The following SLC38A2 variants were observed in gnomAD, a reference collection of about 807,000 sequenced individuals.
The protein encoded by SLC38A2 is sodium-coupled neutral amino acid symporter 2.
Under a neutral mutation model 61.5 loss-of-function variants are expected in SLC38A2, and 11 were observed. The ratio of observed to expected loss-of-function variants is 0.18; its 90% CI spans 0.11 to 0.30. SLC38A2 has a LOEUF of 0.30. Ranked by LOEUF, SLC38A2 falls within the 10% of genes least tolerant of loss-of-function variation. SLC38A2 has a pLI of 1.00. For synonymous variants in SLC38A2, 217 were observed against 212.5 expected, an observed-to-expected ratio of 1.02 and a Z score of -0.18; for missense variants, 522 against 600.4, an observed-to-expected ratio of 0.87 and a Z score of 1.36.
intron 7 of SLC38A2, among the ~76,000 whole-genome samples, chr12:46,365,891 C>T (rs1352936327): frequency 6.6e-6 from 1 of 152,108 alleles, no homozygotes; most frequent in East Asian, 1.9e-4. Context: ...ATTGCACTGT[C>T]TTCTAAATCA....
At chr12:46,365,862 CT>C (rs1943134196) in intron 7 of SLC38A2, among the ~76,000 whole-genome samples, 1 of 152,044 alleles carries the variant, frequency 6.6e-6, no homozygotes, top group Non-Finnish European at 1.5e-5. Context: ...AAGCCTTTTT[CT>C]TTTTAGGTAA....
intron 7 of SLC38A2, among the ~76,000 whole-genome samples, chr12:46,366,201 C>T (rs1478531883): frequency 6.6e-6 from 1 of 152,120 alleles, no homozygotes; most frequent in African/African-American, 2.4e-5. Flanking sequence ...ATCCCTTATT[C>T]AAAATGCTTG....
chr12:46,366,839 A>G, intron 7 of SLC38A2, 25 bp downstream of exon 7: 1 of 1,580,526 alleles, frequency 6.3e-7, no homozygotes, highest in Non-Finnish European at 8.6e-7. Context: ...ATTGTTTCTT[A>G]TGAGTAACCT....
In SLC38A2 at chr12:46,366,987, G is replaced by A. The variant is rs377257935; in HGVS notation, c.482-42C>T. The A allele has an allele frequency of 1.7e-5, 27 of 1,606,434 alleles. No homozygotes were observed. In the East Asian group the frequency reaches 3.3e-4, roughly 20 times the overall value. ...TTATACCATTACAAGTGCAAAACGC[G>A]GCACGTGACACTAAAACGCATGTGT... On this transcript the variant is annotated intron_variant, in intron 6 of 15. Coordinates refer to ENST00000256689, the MANE Select transcript of SLC38A2 (RefSeq NM_018976.5).
intron 1 of SLC38A2, among the ~76,000 whole-genome samples, chr12:46,371,982 A>G (rs1943208308): frequency 6.6e-6 from 1 of 151,752 alleles, no homozygotes; most frequent in African/African-American, 2.4e-5. Flanking sequence ...GCCCTCAAGC[A>G]CACCCGTCCA....
chr12:46,358,953 T>C lies in SLC38A2; in HGVS notation c.*2158A>G, dbSNP rs535882276. 4 of 152,656 alleles carry C rather than the reference T, an allele frequency of 2.6e-5. No homozygotes were observed. The highest frequency in any genetic ancestry group is 4.4e-5 in the Non-Finnish European group (3 of 68,000). 9.5% of individuals were successfully genotyped at this position (152,656 alleles called of 1,614,324 possible). A position where few individuals can be genotyped will look rare whatever the true frequency, so the allele number is the denominator to read the frequency against. On this transcript the variant is annotated 3_prime_UTR_variant, in exon 16 of 16. Transcript: ENST00000256689. Reference sequence around the variant, plus strand: ...AAGATAGCTCCCAGAAAATCATCCATTGGAATTTTCCCTAGGCACTTGATT... The same window carrying C: ...AAGATAGCTCCCAGAAAATCATCCACTGGAATTTTCCCTAGGCACTTGATT...
chr12:46,371,374 G>A lies in SLC38A2; in HGVS notation c.-81C>T. On this transcript the variant is annotated 5_prime_UTR_variant, in exon 2 of 16. Transcript: ENST00000256689. The stretch of plus-strand genomic sequence containing the variant: ...TGGCGGTGGGTGCAGCGGCCCGCGA[G>A]TCGGCCTGCGAAAGTAGAGGCGGCG... 3 of 1,149,202 alleles carry A rather than the reference G, an allele frequency of 2.6e-6. No individual in the cohort carries two copies. The highest frequency in any genetic ancestry group is 1.3e-6 in the Non-Finnish European group (1 of 775,436). The allele number at this position is 1,149,202 out of a possible 1,614,324, so 71.2% of individuals were successfully genotyped here. A position where few individuals can be genotyped will look rare whatever the true frequency, so the allele number is the denominator to read the frequency against.
chr12:46,370,559 G>A lies in SLC38A2; in HGVS notation c.267C>T (p.Ile89=). ...NLSNAIVGSG[I]LGLSYAMANT... ...TAGCCATGGCATAAGAAAGCCCAAGGATTCCACTGCCCACAATCGCATTGC... is the reference window on the plus strand; with the variant it reads ...TAGCCATGGCATAAGAAAGCCCAAGAATTCCACTGCCCACAATCGCATTGC... Residue 89 remains isoleucine, a synonymous_variant, in exon 4 of 16, where the codon ATC becomes ATT. Transcript: ENST00000256689. 1 of 1,614,128 alleles carries A rather than the reference G, an allele frequency of 6.2e-7. No homozygotes were observed. The highest frequency in any genetic ancestry group is 1.1e-5 in the South Asian group (1 of 91,084).
At chr12:46,367,495 A>T (rs1350300768) in intron 4 of SLC38A2, 155 bp from the exon 5 acceptor site, 2 of 621,702 alleles carry the variant, frequency 3.2e-6, no homozygotes, top group South Asian at 2.0e-5. Context: ...TACTAACTGG[A>T]ATGGCAACAC....
intron 7 of SLC38A2, 34 bp downstream of exon 7, chr12:46,366,826 ATAAT>A: frequency 6.5e-7 from 1 of 1,539,322 alleles, no homozygotes; most frequent in South Asian, 1.2e-5. Flanking sequence ...ACTTTTGACT[ATAAT>A]TGTTTCTTAT....
rs368422773 is a variant in SLC38A2 at position 46,362,386 on chromosome 12, A to G, written c.1325-5T>C. The G allele has an allele frequency of 7.2e-5, 116 of 1,607,188 alleles. No homozygotes were observed. Among genetic ancestry groups the G allele is most frequent in the Non-Finnish European group, 9.0e-5 (106 of 1,177,634 alleles). On this transcript the variant is annotated splice_polypyrimidine_tract_variant and splice_region_variant and intron_variant, in intron 14 of 15. Coordinates refer to ENST00000256689, the MANE Select transcript of SLC38A2 (RefSeq NM_018976.5). Reference sequence around the variant, plus strand: ...ACATAGAAGCTGCAGATGCACCTGTAAAACAACATTTATGTTTCTTGAGGA... The same window carrying G: ...ACATAGAAGCTGCAGATGCACCTGTGAAACAACATTTATGTTTCTTGAGGA...
In SLC38A2 at chr12:46,359,667, G is replaced by C. The variant is rs1187145290; in HGVS notation, c.*1444C>G. The stretch of plus-strand genomic sequence containing the variant: ...TAATAATATATTCACCATACACTGT[G>C]ACGTACGATAAATGTGCTCTTAAAG... On this transcript the variant is annotated 3_prime_UTR_variant, in exon 16 of 16. Coordinates refer to ENST00000256689, the MANE Select transcript of SLC38A2 (RefSeq NM_018976.5). 2 of 152,508 alleles carry C rather than the reference G, an allele frequency of 1.3e-5. No homozygotes were observed. The highest frequency in any genetic ancestry group is 1.9e-4 in the East Asian group (1 of 5,198). 9.4% of individuals were successfully genotyped at this position (152,508 alleles called of 1,614,324 possible).
intron 4 of SLC38A2, among the ~76,000 whole-genome samples, chr12:46,368,013 C>G (rs1223896882): frequency 6.6e-6 from 1 of 152,040 alleles, no homozygotes; most frequent in Non-Finnish European, 1.5e-5. Context: ...TGGTGTACAC[C>G]TATAGTCTCA....
In SLC38A2 at chr12:46,366,873, T is replaced by C. The variant is rs764467960; in HGVS notation, c.554A>G (p.Asp185Gly). Residue 185 changes from aspartate (D) to glycine (G), a missense_variant, in exon 7 of 16, where the codon GAT (aspartate) becomes GGT (glycine). By Grantham distance (94) the Asp-to-Gly change is moderately conservative. Coordinates refer to ENST00000256689, the MANE Select transcript of SLC38A2 (RefSeq NM_018976.5). ...LVIQALTNIEDKTGLWYLNGN... is the reference protein window; with the variant it reads ...LVIQALTNIEGKTGLWYLNGN... ...CTTACTTAGCACCTACCCAGTTTTA[T>C]CTTCAATGTTCGTTAATGCCTGGAT... 5 of 1,612,862 alleles carry C rather than the reference T, an allele frequency of 3.1e-6. No homozygotes were observed. The highest frequency in any genetic ancestry group is 4.2e-6 in the Non-Finnish European group (5 of 1,179,620).
chr12:46,371,481 C>G (rs961182681), intron 1 of SLC38A2, 102 bp from the exon 2 acceptor site: 3 of 561,650 alleles, frequency 5.3e-6, no homozygotes, highest in South Asian at 2.2e-5. Flanking sequence ...CCAGGCCAGG[C>G]GAGTGGAAAA....
chr12:46,369,680 T>C (rs1943174112), intron 4 of SLC38A2, among the ~76,000 whole-genome samples: 2 of 152,240 alleles, frequency 1.3e-5, no homozygotes, highest in South Asian at 4.1e-4. Flanking sequence ...ATGCTTAAGA[T>C]TGCATGTATT....
chr12:46,359,378 A>C lies in SLC38A2; in HGVS notation c.*1733T>G, dbSNP rs1442352653. ...CGGTTTCACCCAATGTAGCACTACA[A>C]GACGTCTTCCAGTTCCATAAGGGTC... is the stretch of plus-strand genomic sequence containing the variant. On this transcript the variant is annotated 3_prime_UTR_variant, in exon 16 of 16. Coordinates refer to ENST00000256689, the MANE Select transcript of SLC38A2 (RefSeq NM_018976.5). 1 of 152,670 alleles carries C rather than the reference A, an allele frequency of 6.6e-6. No individual in the cohort carries two copies. Among genetic ancestry groups the C allele is most frequent in the Admixed American group, 6.5e-5 (1 of 15,284 alleles). The allele number at this position is 152,670 out of a possible 1,614,324, so 9.5% of individuals were successfully genotyped here. A position where few individuals can be genotyped will look rare whatever the true frequency, so the allele number is the denominator to read the frequency against.
chr12:46,371,561 A>T (rs1056039760), intron 1 of SLC38A2, 182 bp from the exon 2 acceptor site: 6 of 438,932 alleles, frequency 1.4e-5, no homozygotes, highest in Non-Finnish European at 2.4e-5. Context: ...AGCCGCGGGG[A>T]GAACAAAGAT....
At chr12:46,371,442 GC>G in intron 1 of SLC38A2, 63 bp from the exon 2 acceptor site, 3 of 642,176 alleles carry the variant, frequency 4.7e-6, no homozygotes, top group Middle Eastern at 8.7e-4. Context: ...ACGTGACGCC[GC>G]CCGGAGGCGC....
Sources: allele counts gnomAD v4.1 joint callset (sites outside exome capture counted in the v4.1 genomes callset), GRCh38; gene constraint gnomAD v4.1.1; transcripts MANE v1.5; gene names NCBI Gene and HGNC (gene_info 2026-07-23, HGNC 2026-07-21).